The following BRIP1 variants were observed in gnomAD, a reference collection of about 807,000 sequenced individuals.
BRIP1 encodes Fanconi anemia group J protein.
Under a neutral mutation model 119.7 loss-of-function variants are expected in BRIP1, and 88 were observed. The observed-to-expected ratio is 0.74, with a 90% CI of 0.62 to 0.88. The LOEUF (loss-of-function observed/expected upper bound fraction) is 0.88, where lower values mean the gene tolerates loss of function less well. BRIP1 is among the 40% of genes least tolerant of loss of function. BRIP1 has a pLI of 0.00. For synonymous variants in BRIP1, 443 were observed against 496.5 expected (o/e 0.89, Z 1.43); for missense variants, 1,259 against 1,455.4 (o/e 0.87, Z 2.20).
rs2077012556 is a variant in BRIP1, at chr17:61,743,328, T to A, written c.2258-194A>T. On this transcript the variant is annotated intron_variant, in intron 15 of 19. Transcript: ENST00000259008. This position sits in a 1 kb window ranked among gnomAD's most constrained non-coding sequence, Gnocchi z 4.3. ...TAAGGGGAACAAAATTACATTTATA[T>A]GCAAAAGGGTAGCAAACCAATTTAC... Among the ~76,000 whole-genome samples, 1 of 152,192 alleles carries A rather than the reference T, an allele frequency of 6.6e-6. No individual in the cohort carries two copies. Among genetic ancestry groups the A allele is most frequent in the Admixed American group, 6.5e-5 (1 of 15,286 alleles).
In BRIP1 at chr17:61,704,658, T is replaced by C. The variant is rs2061664817; in HGVS notation, c.2493-11146A>G. 6.6e-6 allele frequency among the ~76,000 whole-genome samples: 1 copy of C among 152,228 alleles called. No individual in the cohort carries two copies. The highest frequency in any genetic ancestry group is 1.5e-5 in the Non-Finnish European group (1 of 68,020). On this transcript the variant is annotated intron_variant, in intron 17 of 19. Transcript: ENST00000259008. The surrounding 1 kb of genome is among the most constrained non-coding windows in gnomAD (Gnocchi z 5.7). ...ATTCTATTTATTTGCTAGATAGCTA[T>C]TCATGTTATCTATTTCATCTTGGGT...
rs1007973177 is a variant in BRIP1 at position 61,848,024 on chromosome 17, A to G, written c.508-804T>C. Among the ~76,000 whole-genome samples the G allele has an allele frequency of 1.6e-4, 24 of 152,200 alleles. No individual in the cohort carries two copies. The highest frequency in any genetic ancestry group is 5.8e-4 in the African/African-American group (24 of 41,460). On this transcript the variant is annotated intron_variant, in intron 5 of 19. Transcript: ENST00000259008. This position sits in a 1 kb window ranked among gnomAD's most constrained non-coding sequence, Gnocchi z 4.3. ...AAATAAACTAGTTCATTCTATTTCTAAAAACAAGGCTGAATTATAGAAATT... is the reference window on the plus strand; with the variant it reads ...AAATAAACTAGTTCATTCTATTTCTGAAAACAAGGCTGAATTATAGAAATT...
At chr17:61,728,324 A>C (rs1206285893) in intron 16 of BRIP1, among the ~76,000 whole-genome samples, 1 of 151,222 alleles carries the variant, frequency 6.6e-6, no homozygotes. Flanking sequence ...AAAAAAAAAA[A>C]AAAAACCCCA....
At chr17:61,787,409 ATATT>A (rs1294986082) in intron 10 of BRIP1, among the ~76,000 whole-genome samples, 123 of 61,882 alleles carry the variant, frequency 2.0e-3, no homozygotes, top group Non-Finnish European at 3.4e-3. Flanking sequence ...TTTATATAAA[ATATT>A]TATATAAAAT....
rs1045828589 is a variant in BRIP1 at position 61,743,182 on chromosome 17, T to G, written c.2258-48A>C. 2 of 1,598,454 alleles carry G rather than the reference T, an allele frequency of 1.3e-6. No individual in the cohort carries two copies. Among genetic ancestry groups the G allele is most frequent in the African/African-American group, 2.7e-5 (2 of 74,468 alleles). On this transcript the variant is annotated intron_variant, in intron 15 of 19. Coordinates refer to ENST00000259008, the MANE Select transcript of BRIP1 (RefSeq NM_032043.3). This position sits in a 1 kb window ranked among gnomAD's most constrained non-coding sequence, Gnocchi z 4.3. The stretch of plus-strand genomic sequence containing the variant: ...ATCCAAAATTCTCAGAAATTGCTTA[T>G]TCTTGTCATTTTGAAAATACCTGAT...
rs1301345926 is a variant in BRIP1 at position 61,740,796 on chromosome 17, A to C, written c.2379+2217T>G. Among the ~76,000 whole-genome samples, 1 of 152,210 alleles carries C rather than the reference A, an allele frequency of 6.6e-6. No individual in the cohort carries two copies. The highest frequency in any genetic ancestry group is 1.5e-5 in the Non-Finnish European group (1 of 68,036). On this transcript the variant is annotated intron_variant, in intron 16 of 19. Coordinates refer to ENST00000259008, the MANE Select transcript of BRIP1 (RefSeq NM_032043.3). The surrounding 1 kb of genome is among the most constrained non-coding windows in gnomAD (Gnocchi z 5.4). ...GCTAAAAAAGGTGAATGATCATCTG[A>C]GCCTTCAGTGAGTCACTCTCTTTGC...
At chr17:61,830,734 A>T (rs373287898) in intron 6 of BRIP1, among the ~76,000 whole-genome samples, 2 of 152,306 alleles carry the variant, frequency 1.3e-5, no homozygotes, top group East Asian at 3.9e-4. Context: ...TTCTATCAAA[A>T]ATTTAAGGAA....
chr17:61,750,231 G>T (rs1029629646), intron 14 of BRIP1, among the ~76,000 whole-genome samples: 22 of 152,158 alleles, frequency 1.4e-4, no homozygotes, highest in African/African-American at 5.1e-4. Flanking sequence ...AAAGTGTGCT[G>T]CATTTTGTCA....
Position 61,700,531 on chromosome 17 carries a change from G to C in BRIP1, c.2493-7019C>G, listed in dbSNP as rs1220545413. 2.6e-5 allele frequency among the ~76,000 whole-genome samples: 4 copies of C among 152,016 alleles called. No individual in the cohort carries two copies. In the East Asian group the frequency reaches 7.7e-4, roughly 29 times the overall value. On this transcript the variant is annotated intron_variant, in intron 17 of 19. Transcript: ENST00000259008. This position sits in a 1 kb window ranked among gnomAD's most constrained non-coding sequence, Gnocchi z 4.1. Reference sequence around the variant, plus strand: ...TGAACATGTCAATTAACTGCTTCCTGGTCTGGAGGATGTTTTGTATATGAT... The same window carrying C: ...TGAACATGTCAATTAACTGCTTCCTCGTCTGGAGGATGTTTTGTATATGAT...
chr17:61,787,034 A>AT (rs2077729517), intron 10 of BRIP1, among the ~76,000 whole-genome samples: 1 of 115,720 alleles, frequency 8.6e-6, no homozygotes. Flanking sequence ...TTATAAATAA[A>AT]TTTATATAAA....
chr17:61,696,710 G>A (rs1052821643), intron 17 of BRIP1, among the ~76,000 whole-genome samples: 16 of 150,860 alleles, frequency 1.1e-4, no homozygotes, highest in African/African-American at 3.2e-4. Flanking sequence ...AAAAGGCCAG[G>A]CGTGGTGGCT....
In BRIP1 at chr17:61,693,484, C is replaced by T. The variant is rs1555574790; in HGVS notation, c.2521G>A (p.Ala841Thr). 1.9e-6 allele frequency: 3 copies of T among 1,613,350 alleles called. No individual in the cohort carries two copies. The highest frequency in any genetic ancestry group is 2.5e-6 in the Non-Finnish European group (3 of 1,179,414). The change falls in exon 18 of 20, where the codon GCT becomes ACT. Residue 841 changes from alanine (A) to threonine (T), a missense_variant. Ala to Thr is a moderately conservative substitution (Grantham distance 58). Transcript: ENST00000259008. The surrounding 1 kb of genome is among the most constrained non-coding windows in gnomAD (Gnocchi z 4.2). ...RCIRHRNDWG[A>T]LILVDDRFRN... ...AAGCGATCATCCACTAGAATAAGAG[C>T]TCCCCAATCATTTCTGTGTCTAATA... is the stretch of plus-strand genomic sequence containing the variant.
chr17:61,696,592 G>C (rs2061524568), intron 17 of BRIP1, among the ~76,000 whole-genome samples: 1 of 150,204 alleles, frequency 6.7e-6, no homozygotes, highest in Non-Finnish European at 1.5e-5. Context: ...GGCTGAGGCA[G>C]AAGAATCACT....
Position 61,686,066 on chromosome 17 carries a change from A to G in BRIP1, c.2675T>C (p.Leu892Pro). The change falls in exon 19 of 20, where the codon CTT becomes CCT. Residue 892 changes from leucine to proline, a missense_variant. Transcript: ENST00000259008. This position sits in a 1 kb window ranked among gnomAD's most constrained non-coding sequence, Gnocchi z 5.4. ...AEFSKKHQKV[L>P]NVSIKDRTNI... ...GGTTCTGTCCTTTATGGATACATTA[A>G]GAACTTTTTGATGCTTTTTGGAAAA... is the stretch of plus-strand genomic sequence containing the variant. The G allele has an allele frequency of 1.2e-6, 2 of 1,614,002 alleles. No homozygotes were observed. The highest frequency in any genetic ancestry group is 1.7e-6 in the Non-Finnish European group (2 of 1,179,902).
intron 17 of BRIP1, among the ~76,000 whole-genome samples, chr17:61,715,696 T>G (rs1447168860): frequency 6.6e-6 from 1 of 152,232 alleles, no homozygotes; most frequent in Non-Finnish European, 1.5e-5. Flanking sequence ...CATCTTTGTG[T>G]GCTATTCATT....
rs2077573304 is a variant in BRIP1 at position 61,778,851 on chromosome 17, G to C, written c.1935+1410C>G. ...AGGTTCCCAACTACCAAATGCCGTA[G>C]TTGCTCCCAAGTAATTGTGAGGACC... On this transcript the variant is annotated intron_variant, in intron 13 of 19. Coordinates refer to ENST00000259008, the MANE Select transcript of BRIP1 (RefSeq NM_032043.3). The surrounding 1 kb of genome is among the most constrained non-coding windows in gnomAD (Gnocchi z 4.4). Among the ~76,000 whole-genome samples, 1 of 152,276 alleles carries C rather than the reference G, an allele frequency of 6.6e-6. No individual in the cohort carries two copies. The highest frequency in any genetic ancestry group is 2.1e-4 in the South Asian group (1 of 4,832).
chr17:61,765,673 G>A (rs1384300960), intron 14 of BRIP1, among the ~76,000 whole-genome samples: 1 of 150,626 alleles, frequency 6.6e-6, no homozygotes, highest in Non-Finnish European at 1.5e-5. Context: ...GACCTCAGGT[G>A]ATCCACCCTC....
rs947164331 is a variant in BRIP1, at chr17:61,717,559, C to A, written c.2380-1496G>T. Among the ~76,000 whole-genome samples the A allele has an allele frequency of 4.6e-5, 7 of 152,088 alleles. No individual in the cohort carries two copies. The highest frequency in any genetic ancestry group is 2.9e-5 in the Non-Finnish European group (2 of 67,948). On this transcript the variant is annotated intron_variant, in intron 16 of 19. Transcript: ENST00000259008. This position sits in a 1 kb window ranked among gnomAD's most constrained non-coding sequence, Gnocchi z 4.1. ...GTTAAAGACGGCTTTTCATTGTTTT[C>A]TGATTTGCATAGTTCTGAAGAAAAA...
At position 61,851,328 on chromosome 17, in the gene BRIP1, G is replaced by C. The variant is rs1488587765; in HGVS notation, c.380-2072C>G. 1.3e-5 allele frequency among the ~76,000 whole-genome samples: 2 copies of C among 152,110 alleles called. No individual in the cohort carries two copies. The highest frequency in any genetic ancestry group is 1.3e-4 in the Admixed American group (2 of 15,268). On this transcript the variant is annotated intron_variant, in intron 4 of 19. Coordinates refer to ENST00000259008, the MANE Select transcript of BRIP1 (RefSeq NM_032043.3). This position sits in a 1 kb window ranked among gnomAD's most constrained non-coding sequence, Gnocchi z 4.6. ...CTTTCCCCCTTCCCTTATGAGTCAT[G>C]TTTCTTTCTTTATAAGGTTCTTAGA...
Sources: gnomAD v4.1 joint callset for allele counts (sites outside exome capture counted in the v4.1 genomes callset) on GRCh38, gnomAD v4.1.1 for gene constraint, Gnocchi (gnomAD v3.1) non-coding constraint, MANE v1.5 for transcripts, NCBI Gene and HGNC (gene_info 2026-07-23, HGNC 2026-07-21) for gene names.